DNAH8: variants seen among roughly 807,000 people sequenced by gnomAD.
The protein encoded by DNAH8 is axonemal beta dynein heavy chain 8.
Under a neutral mutation model 562.1 loss-of-function variants are expected in DNAH8, and 382 were observed. The observed-to-expected ratio is 0.68, with a 90% CI of 0.63 to 0.74. DNAH8 has a LOEUF of 0.74. Ranked by LOEUF, DNAH8 falls within the 30% of genes least tolerant of loss-of-function variation. DNAH8 has a pLI of 0.00. For synonymous variants in DNAH8, 1,881 were observed against 1,919.4 expected (o/e 0.98, Z 0.52); for missense variants, 5,203 against 5,620.4 (o/e 0.93, Z 2.37).
intron 80 of DNAH8, among the ~76,000 whole-genome samples, chr6:38,946,803 C>T (rs1049550078): frequency 6.1e-5 from 9 of 148,314 alleles, no homozygotes; most frequent in Non-Finnish European, 1.2e-4. Flanking sequence ...GTGTGAGACT[C>T]TGTCTTGGGG....
intron 10 of DNAH8, among the ~76,000 whole-genome samples, chr6:38,757,473 C>T (rs1207478087): frequency 6.6e-6 from 1 of 151,936 alleles, no homozygotes; most frequent in African/African-American, 2.4e-5. Context: ...CTGTAGGTTG[C>T]CTGTTCACTC....
At chr6:38,975,719 A>G (rs755901616) in intron 85 of DNAH8, among the ~76,000 whole-genome samples, 1 of 152,192 alleles carries the variant, frequency 6.6e-6, no homozygotes, top group East Asian at 1.9e-4. Context: ...ACAGAAGCCT[A>G]TTTCATACAT....
rs139747756 is a variant in DNAH8 at position 38,825,705 on chromosome 6, C to T, written c.3848-451C>T. Among the ~76,000 whole-genome samples, 524 of 152,170 alleles carry T rather than the reference C, an allele frequency of 3.4e-3. 1 individual carries two copies. The highest frequency in any genetic ancestry group is 0.012 in the African/African-American group (489 of 41,506). On this transcript the variant is annotated intron_variant, in intron 28 of 92. Coordinates refer to ENST00000327475, the MANE Select transcript of DNAH8 (RefSeq NM_001206927.2). The stretch of plus-strand genomic sequence containing the variant: ...GTCCAGGGTCCAGGGTCAGGGTAGA[C>T]GGATACTCTGACCATGTGGATGATG...
intron 82 of DNAH8, among the ~76,000 whole-genome samples, chr6:38,958,103 G>A (rs1053915464): frequency 1.1e-4 from 16 of 151,506 alleles, no homozygotes; most frequent in Non-Finnish European, 2.1e-4. Context: ...CTGGGTTCAC[G>A]CCATTCTCCT....
intron 8 of DNAH8, 87 bp from the exon 9 acceptor site, chr6:38,750,389 A>G (rs886376047): frequency 1.3e-6 from 1 of 753,878 alleles, no homozygotes; most frequent in African/African-American, 1.8e-5. Context: ...TATATGTATG[A>G]TTAGGGAAGA....
chr6:38,793,875 C>T (rs1022790346), intron 21 of DNAH8, among the ~76,000 whole-genome samples: 1 of 152,190 alleles, frequency 6.6e-6, no homozygotes, highest in East Asian at 1.9e-4. Context: ...TCTACCAACT[C>T]TTGCCCAGAG....
At chr6:38,985,342 C>T (rs868676198) in intron 87 of DNAH8, among the ~76,000 whole-genome samples, 12 of 152,224 alleles carry the variant, frequency 7.9e-5, no homozygotes, top group Admixed American at 2.0e-4. Flanking sequence ...TTATTAAATT[C>T]TTTATATTGG....
intron 1 of DNAH8, among the ~76,000 whole-genome samples, chr6:38,716,409 C>G (rs1044041538): frequency 6.6e-6 from 1 of 152,108 alleles, no homozygotes; most frequent in African/African-American, 2.4e-5. Flanking sequence ...ATAGTTGTGC[C>G]TCTTTTTGCT....
At chr6:38,840,641 C>T (rs1302363823) in intron 33 of DNAH8, among the ~76,000 whole-genome samples, 2 of 152,182 alleles carry the variant, frequency 1.3e-5, no homozygotes, top group South Asian at 2.1e-4. Context: ...ATCAATTTCA[C>T]CATCAAAAGG....
At chr6:38,790,156 T>C (rs1769580903) in intron 19 of DNAH8, 133 bp from the exon 20 acceptor site, 2 of 711,140 alleles carry the variant, frequency 2.8e-6, no homozygotes, top group East Asian at 2.7e-5. Context: ...AAAAGTCATC[T>C]TTATTAGGTG....
At chr6:38,919,488 C>T (rs928250783) in intron 70 of DNAH8, among the ~76,000 whole-genome samples, 27 of 151,812 alleles carry the variant, frequency 1.8e-4, no homozygotes, top group African/African-American at 6.5e-4. Flanking sequence ...GAGGCAGTCC[C>T]GAGTAGGCAT....
intron 21 of DNAH8, among the ~76,000 whole-genome samples, chr6:38,793,836 G>A (rs1037873142): frequency 6.6e-6 from 1 of 152,010 alleles, no homozygotes; most frequent in African/African-American, 2.4e-5. Context: ...TGAAAAAAAT[G>A]GGGGAGTCTA....
chr6:38,765,986 T>C (rs1431476877), intron 11 of DNAH8, among the ~76,000 whole-genome samples: 10 of 152,164 alleles, frequency 6.6e-5, no homozygotes, highest in Non-Finnish European at 1.5e-4. Flanking sequence ...GGAAATGATA[T>C]AACTGTCTCA....
intron 88 of DNAH8, among the ~76,000 whole-genome samples, chr6:39,005,116 A>G (rs1173308037): frequency 1.3e-5 from 2 of 152,222 alleles, no homozygotes; most frequent in Non-Finnish European, 2.9e-5. Context: ...CTGCTTTCCA[A>G]AGTGACTGCA....
Position 38,883,959 on chromosome 6 carries a change from T to C in DNAH8, c.8220T>C (p.Asp2740=). The stretch of plus-strand genomic sequence containing the variant: ...GGAGAAAAATGACTGTATTTATTGA[T>C]GATATTAATATGCCTGTGATTAATG... ...PGGRKMTVFI[D]DINMPVINEW... The change falls in exon 56 of 93, where the codon GAT becomes GAC. Residue 2740 remains aspartate (D), a synonymous_variant. Transcript: ENST00000327475. The C allele has an allele frequency of 1.3e-6, 2 of 1,586,356 alleles. No individual in the cohort carries two copies. The highest frequency in any genetic ancestry group is 1.7e-6 in the Non-Finnish European group (2 of 1,164,662).
intron 68 of DNAH8, among the ~76,000 whole-genome samples, chr6:38,915,592 T>A (rs1192512020): frequency 4.6e-5 from 7 of 152,198 alleles, no homozygotes; most frequent in Admixed American, 2.6e-4. Flanking sequence ...AAATTGGTCT[T>A]CCATGAGAAC....
Position 38,775,932 on chromosome 6 carries a change from C to CAAA in DNAH8, c.1946_1948dup (p.Lys649dup), listed in dbSNP as rs2127630927. ...GACACAGATTTCTTAGATTTCATGACAAAAATCAATGGTTTAGAGGTAAGT... is the reference window on the plus strand; with the variant it reads ...GACACAGATTTCTTAGATTTCATGACAAAAAAAATCAATGGTTTAGAGGTAAGT... On this transcript the variant is annotated inframe_insertion, in exon 13 of 93. Transcript: ENST00000327475. 1 of 1,610,672 alleles carries CAAA rather than the reference C, an allele frequency of 6.2e-7. No individual in the cohort carries two copies.
intron 21 of DNAH8, among the ~76,000 whole-genome samples, chr6:38,795,086 A>G (rs1422608726): frequency 6.6e-6 from 1 of 152,202 alleles, no homozygotes; most frequent in Non-Finnish European, 1.5e-5. Context: ...GTTTTGGCTG[A>G]CAACTTTTTT....
chr6:38,872,582 C>G lies in DNAH8; in HGVS notation c.7037C>G (p.Pro2346Arg), dbSNP rs1259913382. 3 of 1,613,794 alleles carry G rather than the reference C, an allele frequency of 1.9e-6. No individual in the cohort carries two copies. Among genetic ancestry groups the G allele is most frequent in the Non-Finnish European group, 2.5e-6 (3 of 1,179,928 alleles). The change falls in exon 50 of 93, where the codon CCC becomes CGC. Residue 2346 changes from proline to arginine, a missense_variant. Pro to Arg is a moderately radical substitution (Grantham distance 103). Around this residue, in one of 6 missense-constraint regions of DNAH8, gnomAD observed 2,176 missense variants for 2,365.1 expected, o/e 0.92. Transcript: ENST00000327475. Reference sequence around the variant, plus strand: ...CGGCATGGCTTGATGACTCTTGGGCCCAGTGGTTCTGGAAAGACAACCGTT... The same window carrying G: ...CGGCATGGCTTGATGACTCTTGGGCGCAGTGGTTCTGGAAAGACAACCGTT... The part of the protein sequence containing the change: ...LVRHGLMTLG[P>R]SGSGKTTVIT...
Sources: gnomAD v4.1 joint callset for allele counts (sites outside exome capture counted in the v4.1 genomes callset) on GRCh38, gnomAD v4.1.1 for gene constraint, gnomAD v4.1.1 regional missense constraint, MANE v1.5 for transcripts, NCBI Gene and HGNC (gene_info 2026-07-23, HGNC 2026-07-21) for gene names.